The following BBS9 variants were observed in gnomAD, a reference collection of about 807,000 sequenced individuals.
BBS9 encodes the protein protein PTHB1.
Under a neutral mutation model 117.7 loss-of-function variants are expected in BBS9, and 89 were observed. That is an observed-to-expected ratio of 0.76 (90% CI 0.64 to 0.90). BBS9 has a LOEUF of 0.90. BBS9 is among the 40% of genes least tolerant of loss of function. The pLI is 0.00. For synonymous variants in BBS9, 379 were observed against 370.9 expected (o/e 1.02, Z -0.25); for missense variants, 982 against 1,042.2 (o/e 0.94, Z 0.80).
intron 5 of BBS9, among the ~76,000 whole-genome samples, chr7:33,188,209 AT>A (rs1424361246): frequency 6.6e-6 from 1 of 151,482 alleles, no homozygotes; most frequent in Middle Eastern, 3.4e-3. Flanking sequence ...CCAGCCCTTC[AT>A]TTTTATCCTC....
At position 33,403,885 on chromosome 7, in the gene BBS9, C is replaced by T. The variant is rs886159756; in HGVS notation, c.2115+15741C>T. The stretch of plus-strand genomic sequence containing the variant: ...TTCTAGTTCTAGATCCCTGAGGAAT[C>T]GCCACACCGACTTCCACAGTGGTTG... On this transcript the variant is annotated intron_variant, in intron 19 of 22. Coordinates refer to ENST00000242067, the MANE Select transcript of BBS9 (RefSeq NM_198428.3). Among the ~76,000 whole-genome samples, 14 of 152,222 alleles carry T rather than the reference C, an allele frequency of 9.2e-5. No homozygotes were observed. In the East Asian group the frequency reaches 1.7e-3, roughly 19 times the overall value.
At chr7:33,144,410 C>A (rs78294974) in intron 1 of BBS9, among the ~76,000 whole-genome samples, 2,330 of 152,288 alleles carry the variant, frequency 0.015, 33 homozygotes, top group Middle Eastern at 0.027. Context: ...TATTTGTAAC[C>A]CCCAAATCAG....
At chr7:33,284,185 G>A (rs1584089005) in intron 9 of BBS9, among the ~76,000 whole-genome samples, 1 of 152,084 alleles carries the variant, frequency 6.6e-6, no homozygotes, top group Non-Finnish European at 1.5e-5. Flanking sequence ...GCCAGCTCTT[G>A]GCATCCTATC....
intron 4 of BBS9, among the ~76,000 whole-genome samples, chr7:33,162,439 T>A (rs540137597): frequency 3.7e-4 from 57 of 152,228 alleles, no homozygotes; most frequent in African/African-American, 1.3e-3. Flanking sequence ...CCATTTTCAC[T>A]GTATGGATTC....
intron 19 of BBS9, among the ~76,000 whole-genome samples, chr7:33,396,835 T>C (rs1386554418): frequency 4.6e-5 from 7 of 152,002 alleles, no homozygotes; most frequent in African/African-American, 2.4e-5. Context: ...AATAGAGAAC[T>C]CAGAAATAAG....
At chr7:33,188,111 T>TGTGTGTGTGTGTGTGTGTGGGGGGGG (rs1783443171) in intron 5 of BBS9, among the ~76,000 whole-genome samples, 1 of 5,000 alleles carries the variant, frequency 2.0e-4, no homozygotes, top group Non-Finnish European at 4.2e-4. Flanking sequence ...TGTGTGTGTG[T>TGTGTGTGTGTGTGTGTGTGGGGGGGG]GGCGGGTGGG....
chr7:33,538,720 A>T (rs923434026), intron 21 of BBS9, among the ~76,000 whole-genome samples: 1 of 152,002 alleles, frequency 6.6e-6, no homozygotes, highest in Non-Finnish European at 1.5e-5. Context: ...ATATACAAAA[A>T]TGGCTTCTGA....
At chr7:33,533,670 GCTAAACC>G in intron 20 of BBS9, 1 of 482,714 alleles carries the variant, frequency 2.1e-6, no homozygotes. Flanking sequence ...CTGGCTCAGA[GCTAAACC>G]CTTCTCATAG....
At chr7:33,602,614 GC>G (rs1370082310) in intron 21 of BBS9, among the ~76,000 whole-genome samples, 2 of 152,180 alleles carry the variant, frequency 1.3e-5, no homozygotes, top group Non-Finnish European at 2.9e-5. Flanking sequence ...TGTAATCACA[GC>G]TACTCATGAA....
chr7:33,322,309 A>T (rs978306766), intron 9 of BBS9, among the ~76,000 whole-genome samples: 8 of 149,054 alleles, frequency 5.4e-5, no homozygotes, highest in African/African-American at 1.2e-4. Context: ...GTTAGTTTTT[A>T]AAAAAATATT....
chr7:33,510,077 T>G (rs1846713486), intron 20 of BBS9, among the ~76,000 whole-genome samples: 1 of 152,176 alleles, frequency 6.6e-6, no homozygotes, highest in Non-Finnish European at 1.5e-5. Context: ...AGTATTCTAT[T>G]TGGTGTCTCC....
chr7:33,612,010 C>T (rs1864905617), intron 21 of BBS9, among the ~76,000 whole-genome samples: 1 of 151,082 alleles, frequency 6.6e-6, no homozygotes, highest in Non-Finnish European at 1.5e-5. Context: ...TATCATTGGT[C>T]CCTACAGTGG....
intron 15 of BBS9, among the ~76,000 whole-genome samples, chr7:33,354,956 A>G (rs1347672289): frequency 6.6e-6 from 1 of 152,094 alleles, no homozygotes; most frequent in Non-Finnish European, 1.5e-5. Flanking sequence ...GTGATAAATG[A>G]CTAGGCCAAT....
At chr7:33,317,849 T>C (rs987687023) in intron 9 of BBS9, among the ~76,000 whole-genome samples, 5 of 152,152 alleles carry the variant, frequency 3.3e-5, no homozygotes, top group African/African-American at 1.2e-4. Context: ...GCTAGGAACT[T>C]AAGACCAGTT....
Position 33,340,932 on chromosome 7 carries a change from A to G in BBS9, c.1234A>G (p.Asn412Asp), listed in dbSNP as rs1816393695. 3 of 1,613,540 alleles carry G rather than the reference A, an allele frequency of 1.9e-6. No homozygotes were observed. The highest frequency in any genetic ancestry group is 1.7e-6 in the Non-Finnish European group (2 of 1,179,702). ...WPMTEREDDL[N>D]VSVVVSPNFD... ...CATGACTGAGAGAGAAGATGACTTG[A>G]ACGTTTCTGTCGTGGTTTCTCCTAA... Residue 412 changes from asparagine (N) to aspartate (D), a missense_variant, in exon 11 of 23, where the codon AAC becomes GAC. Asn to Asp is a conservative substitution (Grantham distance 23, BLOSUM62 1). Transcript: ENST00000242067.
intron 5 of BBS9, among the ~76,000 whole-genome samples, chr7:33,233,431 G>A (rs1194064386): frequency 6.6e-6 from 1 of 151,986 alleles, no homozygotes; most frequent in Non-Finnish European, 1.5e-5. Context: ...TTTTTGCTGA[G>A]TTTATTTTTG....
At chr7:33,503,730 T>C (rs557877103) in intron 19 of BBS9, among the ~76,000 whole-genome samples, 2 of 152,140 alleles carry the variant, frequency 1.3e-5, no homozygotes, top group Admixed American at 6.6e-5. Flanking sequence ...TGAGGCTTAA[T>C]TGGTAACATT....
chr7:33,198,608 C>T (rs1002599622), intron 5 of BBS9, among the ~76,000 whole-genome samples: 10 of 151,800 alleles, frequency 6.6e-5, no homozygotes, highest in Non-Finnish European at 8.9e-5. Context: ...ATTCATTTTG[C>T]TTTCATTATA....
intron 17 of BBS9, among the ~76,000 whole-genome samples, chr7:33,371,309 G>A (rs1419238022): frequency 1.3e-5 from 2 of 151,832 alleles, no homozygotes; most frequent in Non-Finnish European, 2.9e-5. Context: ...TTCTCCCTGA[G>A]CCCAAATCAG....
Sources: allele counts gnomAD v4.1 joint callset (sites outside exome capture counted in the v4.1 genomes callset), GRCh38; gene constraint gnomAD v4.1.1; transcripts MANE v1.5; gene names NCBI Gene and HGNC (gene_info 2026-07-23, HGNC 2026-07-21).